The following CDKL1 variants were observed in gnomAD, a reference collection of about 807,000 sequenced individuals.
The protein encoded by CDKL1 is cyclin dependent kinase like 1.
In CDKL1, 41 loss-of-function variants were observed where a neutral mutation model predicts 42.0. The ratio of observed to expected loss-of-function variants is 0.98; its 90% CI spans 0.76 to 1.27. The LOEUF (loss-of-function observed/expected upper bound fraction) is 1.27. CDKL1 is among the 50% of genes most tolerant of loss of function. The pLI is 0.00. For synonymous variants in CDKL1, 153 were observed against 158.6 expected, an observed-to-expected ratio of 0.96 and a Z score of 0.26; for missense variants, 394 against 428.4, an observed-to-expected ratio of 0.92 and a Z score of 0.71.
At chr14:50,396,561 G>A (rs2035413094) in intron 1 of CDKL1, among the ~76,000 whole-genome samples, 1 of 152,240 alleles carries the variant, frequency 6.6e-6, no homozygotes, top group Non-Finnish European at 1.5e-5. Context: ...TGAGCTGGCT[G>A]GAGTACGGGG....
intron 4 of CDKL1, 191 bp from the exon 5 acceptor site, chr14:50,342,413 CTAA>C (rs1457566050): frequency 7.4e-7 from 1 of 1,348,512 alleles, no homozygotes; most frequent in East Asian, 2.7e-5. Context: ...TCCCAAATTC[CTAA>C]AAGGCCCAAA....
At chr14:50,352,854 G>A (rs567091099) in intron 3 of CDKL1, among the ~76,000 whole-genome samples, 6 of 152,286 alleles carry the variant, frequency 3.9e-5, no homozygotes, top group Admixed American at 6.5e-5. Context: ...GAGTGCCAAC[G>A]TATTCACCCA....
At chr14:50,358,251 G>C in intron 3 of CDKL1, 1 of 790,594 alleles carries the variant, frequency 1.3e-6, no homozygotes, top group Non-Finnish European at 1.7e-6. Flanking sequence ...GCTTCAGTTG[G>C]GTTTTTGTCA....
intron 9 of CDKL1, 135 bp from the exon 10 acceptor site, chr14:50,330,316 G>A: frequency 9.1e-7 from 1 of 1,098,622 alleles, no homozygotes; most frequent in East Asian, 3.1e-5. Flanking sequence ...CAGGACTTGA[G>A]AGAGGATTAA....
Position 50,339,029 on chromosome 14 carries a change from C to A in CDKL1, c.656G>T (p.Gly219Val). The A allele has an allele frequency of 6.2e-7, 1 of 1,602,048 alleles. No individual in the cohort carries two copies. Among genetic ancestry groups the A allele is most frequent in the Non-Finnish European group, 8.6e-7 (1 of 1,169,044 alleles). The change falls in exon 7 of 10, where the codon GGG (glycine) becomes GTG (valine). Residue 219 changes from glycine to valine, a missense_variant and splice_region_variant. Physicochemically the swap from Gly to Val is moderately radical, Grantham distance 109. Transcript: ENST00000395834. ...DQLYLIRKTL[G>V]DLIPRHQQVF... ...TTGCTGGTGCCTAGGAATGAGATCC[C>A]CTTTGGACAAGAAAAGAAAAAGGTA...
chr14:50,395,047 T>C (rs939168180), intron 2 of CDKL1, among the ~76,000 whole-genome samples: 7 of 152,202 alleles, frequency 4.6e-5, no homozygotes, highest in African/African-American at 1.7e-4. Flanking sequence ...AAACGGGACA[T>C]GATGATGCTC....
In CDKL1 at chr14:50,330,078, A is replaced by G. The variant is rs1396497093; in HGVS notation, c.1070T>C (p.Ile357Thr). 6.2e-7 allele frequency: 1 copy of G among 1,608,638 alleles called. No individual in the cohort carries two copies. The highest frequency in any genetic ancestry group is 8.5e-7 in the Non-Finnish European group (1 of 1,178,934). Residue 357 changes from isoleucine to threonine, a missense_variant, in exon 10 of 10, where the codon ATT (isoleucine) becomes ACT (threonine). Physicochemically the swap from Ile to Thr is moderately conservative, Grantham distance 89. Transcript: ENST00000395834. ...TKKLNYRFPN[I>T] ...AAATCATGTCTCCTAGCTCCTTTAA[A>G]TGTTTGGAAAACGGTAGTTAAGTTT...
At chr14:50,394,330 GA>G (rs1317786856) in intron 2 of CDKL1, among the ~76,000 whole-genome samples, 2 of 152,212 alleles carry the variant, frequency 1.3e-5, no homozygotes, top group Non-Finnish European at 2.9e-5. Context: ...CTGCCCATGG[GA>G]GCACTCCCCT....
chr14:50,390,387 T>C, intron 2 of CDKL1: 1 of 1,359,900 alleles, frequency 7.4e-7, no homozygotes, highest in African/African-American at 1.5e-5. Flanking sequence ...GCAGAAATTC[T>C]TTCTTTCCTC....
chr14:50,377,152 T>G (rs1056917841), intron 2 of CDKL1, among the ~76,000 whole-genome samples: 2 of 152,208 alleles, frequency 1.3e-5, no homozygotes, highest in Non-Finnish European at 2.9e-5. Flanking sequence ...CTGAAACCAC[T>G]GCAGCAGCTA....
At chr14:50,372,302 GA>G (rs1367081169) in intron 2 of CDKL1, among the ~76,000 whole-genome samples, 1 of 152,130 alleles carries the variant, frequency 6.6e-6, no homozygotes, top group Non-Finnish European at 1.5e-5. Flanking sequence ...ATTTTTAGTA[GA>G]GACAGAGTTT....
At chr14:50,342,685 A>C in intron 4 of CDKL1, 1 of 288,260 alleles carries the variant, frequency 3.5e-6, no homozygotes, top group South Asian at 4.8e-5. Flanking sequence ...GTGAGGCTGC[A>C]TCATGGTTGC....
chr14:50,345,506 A>G (rs946471098), intron 3 of CDKL1, among the ~76,000 whole-genome samples: 2 of 152,164 alleles, frequency 1.3e-5, no homozygotes, highest in Non-Finnish European at 2.9e-5. Context: ...CTCATCTTCC[A>G]TGTGTGGGCA....
intron 2 of CDKL1, among the ~76,000 whole-genome samples, chr14:50,389,944 G>A (rs149793114): frequency 8.0e-4 from 122 of 152,260 alleles, no homozygotes; most frequent in African/African-American, 2.7e-3. Context: ...CTGACCGGGA[G>A]GCCTTGGCAA....
intron 8 of CDKL1, chr14:50,333,008 A>C: frequency 4.6e-6 from 1 of 219,748 alleles, no homozygotes; most frequent in East Asian, 9.5e-5. Context: ...ATGCCTTTAT[A>C]TTACATCATT....
intron 2 of CDKL1, chr14:50,390,228 C>G (rs1422023003): frequency 1.5e-6 from 2 of 1,365,054 alleles, no homozygotes; most frequent in Non-Finnish European, 2.0e-6. Flanking sequence ...CTGCTGCTTT[C>G]AGCCCTTGAC....
At chr14:50,367,428 T>C (rs771563227) in intron 2 of CDKL1, among the ~76,000 whole-genome samples, 22 of 152,180 alleles carry the variant, frequency 1.4e-4, no homozygotes, top group Non-Finnish European at 2.9e-4. Flanking sequence ...CCTCTGATCC[T>C]CAAACCAGTC....
chr14:50,334,882 T>A, intron 7 of CDKL1: 3 of 298,804 alleles, frequency 1.0e-5, no homozygotes, highest in Non-Finnish European at 1.8e-5. Context: ...TAGCAAATTA[T>A]AAATAAAAAT....
chr14:50,387,229 T>G (rs865840890), intron 2 of CDKL1, among the ~76,000 whole-genome samples: 4,930 of 62,234 alleles, frequency 0.079, no homozygotes, highest in Admixed American at 0.086. Context: ...AAAATGGGGG[T>G]GGGGGTGGTG....
Sources: allele counts gnomAD v4.1 joint callset (sites outside exome capture counted in the v4.1 genomes callset), GRCh38; gene constraint gnomAD v4.1.1; transcripts MANE v1.5; gene names NCBI Gene and HGNC (gene_info 2026-07-23, HGNC 2026-07-21).